The following TMEM178B variants were observed in gnomAD, a reference collection of about 807,000 sequenced individuals.
The protein encoded by TMEM178B is transmembrane protein 178B.
TMEM178B carries 5 observed loss-of-function variants against 31.0 expected under a neutral mutation model. The ratio of observed to expected loss-of-function variants is 0.16; its 90% CI spans 0.08 to 0.34. TMEM178B has a LOEUF of 0.34. Among genes scored for constraint, TMEM178B ranks in the 10% least tolerant of loss-of-function variants. TMEM178B has a pLI of 1.00. For synonymous variants in TMEM178B, 164 were observed against 164.0 expected (o/e 1.00, Z 0.00); for missense variants, 275 against 400.3 (o/e 0.69, Z 2.67).
chr7:141,108,341 C>A (rs1055012530), intron 1 of TMEM178B, among the ~76,000 whole-genome samples: 1 of 152,038 alleles, frequency 6.6e-6, no homozygotes, highest in South Asian at 2.1e-4. Flanking sequence ...GAGGGAGAAT[C>A]GTTAGAGTGA....
At chr7:141,216,552 T>G (rs949030759) in intron 2 of TMEM178B, among the ~76,000 whole-genome samples, 1 of 151,444 alleles carries the variant, frequency 6.6e-6, no homozygotes, top group Non-Finnish European at 1.5e-5. Context: ...CTGGTGTGTG[T>G]GTGTGTGGTA....
chr7:141,208,714 C>G (rs1445944077), intron 1 of TMEM178B, among the ~76,000 whole-genome samples: 6 of 152,198 alleles, frequency 3.9e-5, no homozygotes, highest in Non-Finnish European at 4.4e-5. Flanking sequence ...AGGGCCTCTT[C>G]CCTCTCTGGC....
At chr7:141,405,647 G>A (rs1316909875) in intron 2 of TMEM178B, among the ~76,000 whole-genome samples, 1 of 152,144 alleles carries the variant, frequency 6.6e-6, no homozygotes, top group African/African-American at 2.4e-5. Flanking sequence ...CCTGACAACT[G>A]GACTCCTTCA....
intron 2 of TMEM178B, among the ~76,000 whole-genome samples, chr7:141,336,344 C>T (rs553520613): frequency 3.9e-5 from 6 of 152,228 alleles, no homozygotes; most frequent in African/African-American, 9.6e-5. Context: ...CATCCCTGCC[C>T]GCCTCTTTCA....
intron 1 of TMEM178B, among the ~76,000 whole-genome samples, chr7:141,174,998 G>T (rs1293785687): frequency 6.6e-6 from 1 of 152,118 alleles, no homozygotes; most frequent in African/African-American, 2.4e-5. Context: ...GGCTTTTGTT[G>T]CCATTGCTTT....
intron 1 of TMEM178B, among the ~76,000 whole-genome samples, chr7:141,118,490 G>C (rs1229018382): frequency 6.6e-6 from 1 of 152,220 alleles, no homozygotes; most frequent in Non-Finnish European, 1.5e-5. Flanking sequence ...TATGTGAAGT[G>C]TTTAGAATAT....
intron 2 of TMEM178B, among the ~76,000 whole-genome samples, chr7:141,320,952 C>T (rs1340597784): frequency 6.6e-6 from 1 of 152,120 alleles, no homozygotes; most frequent in Admixed American, 6.5e-5. Flanking sequence ...GTGGGTGGAA[C>T]CTTGCAGAAA....
chr7:141,297,208 G>A (rs1798649237), intron 2 of TMEM178B: 1 of 152,156 alleles, frequency 6.6e-6, no homozygotes, highest in South Asian at 2.1e-4. Context: ...AATAGTAGAG[G>A]CAAGATTGTC....
intron 1 of TMEM178B, among the ~76,000 whole-genome samples, chr7:141,089,243 AG>A (rs1794839498): frequency 6.6e-6 from 1 of 152,230 alleles, no homozygotes; most frequent in Non-Finnish European, 1.5e-5. Flanking sequence ...GGGGACATCC[AG>A]CAAGACTGGG....
the TMEM178B span, among the ~76,000 whole-genome samples, chr7:141,490,343 A>G: frequency 6.6e-6 from 1 of 152,252 alleles, no homozygotes; most frequent in East Asian, 1.9e-4. Context: ...CCCCTAACTC[A>G]GTATGAATGG....
chr7:141,231,347 G>A (rs1449636936), intron 2 of TMEM178B, among the ~76,000 whole-genome samples: 1 of 150,840 alleles, frequency 6.6e-6, no homozygotes, highest in Non-Finnish European at 1.5e-5. Context: ...TGCCAAGGAA[G>A]TTTGAAATTA....
chr7:141,105,869 T>G (rs889871396), intron 1 of TMEM178B, among the ~76,000 whole-genome samples: 1 of 151,744 alleles, frequency 6.6e-6, no homozygotes, highest in Admixed American at 6.6e-5. Flanking sequence ...CCAAGGTGGG[T>G]GGATCCCTTG....
chr7:141,296,359 C>T (rs1798634392), intron 2 of TMEM178B, among the ~76,000 whole-genome samples: 1 of 152,196 alleles, frequency 6.6e-6, no homozygotes, highest in Non-Finnish European at 1.5e-5. Flanking sequence ...TGAGCCACTG[C>T]ACCCGGCCAG....
intron 1 of TMEM178B, among the ~76,000 whole-genome samples, chr7:141,081,802 GTC>G (rs1794691302): frequency 6.6e-6 from 1 of 152,120 alleles, no homozygotes; most frequent in Non-Finnish European, 1.5e-5. Context: ...TATTTATAAG[GTC>G]TACAGTAGTG....
chr7:141,148,728 C>T (rs1795901131), intron 1 of TMEM178B, among the ~76,000 whole-genome samples: 1 of 152,212 alleles, frequency 6.6e-6, no homozygotes, highest in South Asian at 2.1e-4. Context: ...AGTCCCTGCT[C>T]ATATCCTACT....
chr7:141,432,452 G>A (rs1269210025), intron 2 of TMEM178B, among the ~76,000 whole-genome samples: 3 of 152,284 alleles, frequency 2.0e-5, no homozygotes, highest in South Asian at 4.1e-4. Flanking sequence ...ACCACGCCCA[G>A]CCCTGCATCA....
chr7:141,390,324 C>T (rs1800512214), intron 2 of TMEM178B, among the ~76,000 whole-genome samples: 1 of 152,142 alleles, frequency 6.6e-6, no homozygotes, highest in Non-Finnish European at 1.5e-5. Context: ...GCTCTAAGCC[C>T]CAGGCCTACA....
chr7:141,334,354 G>C (rs1046823383), intron 2 of TMEM178B, among the ~76,000 whole-genome samples: 1 of 152,202 alleles, frequency 6.6e-6, no homozygotes, highest in African/African-American at 2.4e-5. Flanking sequence ...TCTCCATGCA[G>C]GTTTATTTTG....
In TMEM178B at chr7:141,424,754, C is replaced by T. The variant is rs186224385; in HGVS notation, c.497-12854C>T. 1.7e-4 allele frequency among the ~76,000 whole-genome samples: 26 copies of T among 152,316 alleles called. No homozygotes were observed. The East Asian group carries it at 2.1e-3, about 12-fold the overall frequency. On this transcript the variant is annotated intron_variant, in intron 2 of 3. Coordinates refer to ENST00000565468, the MANE Select transcript of TMEM178B (RefSeq NM_001195278.2). Reference sequence around the variant, plus strand: ...ACATGCATGGCAGCACAGAGATACACCCGCAGTACTCAGATGGGGGTCATA... The same window carrying T: ...ACATGCATGGCAGCACAGAGATACATCCGCAGTACTCAGATGGGGGTCATA...
Sources: gnomAD v4.1 joint callset for allele counts (sites outside exome capture counted in the v4.1 genomes callset) on GRCh38, gnomAD v4.1.1 for gene constraint, MANE v1.5 for transcripts, NCBI Gene and HGNC (gene_info 2026-07-23, HGNC 2026-07-21) for gene names.